Variants in SLC2A2 observed in about 807,000 individuals in gnomAD.
The protein encoded by SLC2A2 is solute carrier family 2 member 2.
Under a neutral mutation model 54.5 loss-of-function variants are expected in SLC2A2, and 36 were observed. That is an observed-to-expected ratio of 0.66 (90% CI 0.51 to 0.87). SLC2A2 has a LOEUF of 0.87. SLC2A2 is among the 40% of genes least tolerant of loss of function. SLC2A2 has a pLI of 0.00. For missense variants in SLC2A2, 543 were observed against 624.3 expected (o/e 0.87, Z 1.39); for synonymous variants, 223 against 219.1 (o/e 1.02, Z -0.16).
intron 2 of SLC2A2, among the ~76,000 whole-genome samples, chr3:171,015,396 T>C (rs1716101362): frequency 6.6e-6 from 1 of 152,078 alleles, no homozygotes; most frequent in Admixed American, 6.6e-5. Context: ...TGCTTGAGCC[T>C]GCGAGGTTGA....
intron 2 of SLC2A2, among the ~76,000 whole-genome samples, chr3:171,017,710 A>G (rs1716215680): frequency 6.6e-6 from 1 of 152,156 alleles, no homozygotes; most frequent in South Asian, 2.1e-4. Context: ...CTTGCCCTCA[A>G]TGACCTCACA....
intron 1 of SLC2A2, among the ~76,000 whole-genome samples, chr3:171,019,087 G>A (rs866461476): frequency 1.5e-3 from 83 of 55,442 alleles, no homozygotes; most frequent in Admixed American, 6.6e-3. Flanking sequence ...ATATATATAT[G>A]TGTGTGTGTG....
intron 3 of SLC2A2, among the ~76,000 whole-genome samples, chr3:171,013,361 T>C (rs2108254847): frequency 6.6e-6 from 1 of 152,262 alleles, no homozygotes; most frequent in South Asian, 2.1e-4. Flanking sequence ...TATTTAAAGT[T>C]CAACTGAACA....
intron 8 of SLC2A2, 63 bp from the exon 9 acceptor site, chr3:170,999,229 A>C (rs1260209458): frequency 9.1e-7 from 1 of 1,100,840 alleles, no homozygotes; most frequent in Non-Finnish European, 1.4e-6. Context: ...CTGTTTACTT[A>C]AATCATTTTT....
At chr3:171,015,033 G>A (rs1716079696) in intron 2 of SLC2A2, among the ~76,000 whole-genome samples, 2 of 152,206 alleles carry the variant, frequency 1.3e-5, no homozygotes, top group African/African-American at 4.8e-5. Context: ...TCAGGATTGT[G>A]GAACTAGAGG....
At position 170,997,547 on chromosome 3, in the gene SLC2A2, T is replaced by A. The variant is rs7610064; in HGVS notation, c.*356A>T. The stretch of plus-strand genomic sequence containing the variant: ...AATGATATTCAAATATATAAATATT[T>A]GTTGCATCCTCAGGTTTCTAGTTAT... On this transcript the variant is annotated 3_prime_UTR_variant, in exon 11 of 11. Coordinates refer to ENST00000314251, the MANE Select transcript of SLC2A2 (RefSeq NM_000340.2). The A allele has an allele frequency of 9.4e-3, 1,970 of 209,644 alleles. 47 individuals are homozygous for A. Among genetic ancestry groups the A allele is most frequent in the African/African-American group, 0.044 (1,851 of 42,250 alleles). 13.0% of individuals were successfully genotyped at this position (209,644 alleles called of 1,614,324 possible).
chr3:171,023,249 A>T (rs1716544206), intron 1 of SLC2A2, among the ~76,000 whole-genome samples: 1 of 152,208 alleles, frequency 6.6e-6, no homozygotes, highest in South Asian at 2.1e-4. Flanking sequence ...TAAGCAGGTC[A>T]TTTGAATTTC....
chr3:171,026,369 T>C (rs191646641), intron 1 of SLC2A2, among the ~76,000 whole-genome samples: 224 of 58,912 alleles, frequency 3.8e-3, no homozygotes, highest in Middle Eastern at 0.015. Context: ...ATCTGCCCCC[T>C]TTTTTTTTTT....
chr3:171,005,379 G>C lies in SLC2A2; in HGVS notation c.869C>G (p.Ser290Cys), dbSNP rs775691314. The C allele has an allele frequency of 3.0e-5, 49 of 1,612,358 alleles. No homozygotes were observed. Among genetic ancestry groups the C allele is most frequent in the Non-Finnish European group, 3.7e-5 (44 of 1,178,874 alleles). ...GGAATTGGTGAAGAGCTGAATTATA[G>C]AGACTTTCTGCTCACTCGATGCTTC... Reference protein sequence around the residue: ...REEASSEQKVSIIQLFTNSSY... With the variant: ...REEASSEQKVCIIQLFTNSSY... The change falls in exon 7 of 11, where the codon TCT becomes TGT. Residue 290 changes from serine to cysteine, a missense_variant. Physicochemically the swap from Ser to Cys is moderately radical, Grantham distance 112. Around this residue, in one of 3 missense-constraint regions of SLC2A2, gnomAD observed 318 missense variants for 343.8 expected, o/e 0.93. Coordinates refer to ENST00000314251, the MANE Select transcript of SLC2A2 (RefSeq NM_000340.2).
intron 4 of SLC2A2, 22 bp downstream of exon 4, chr3:171,009,912 GGTGTGTGTGTGTGTGTGTGTGTGT>G (rs71176588): frequency 5.8e-5 from 77 of 1,325,624 alleles, no homozygotes; most frequent in East Asian, 1.4e-4. Flanking sequence ...GACAAAGGTA[GGTGTGTGTGTGTGTGTGTGTGTGT>G]GTGTGTGTGT....
chr3:171,004,671 G>T (rs1715505931), intron 7 of SLC2A2, among the ~76,000 whole-genome samples: 1 of 151,684 alleles, frequency 6.6e-6, no homozygotes, highest in Non-Finnish European at 1.5e-5. Context: ...AACCATCTTG[G>T]TCTGCATGAT....
chr3:171,003,442 G>T (rs66733022), intron 7 of SLC2A2, among the ~76,000 whole-genome samples: 32,811 of 146,226 alleles, frequency 0.22, 5,141 homozygotes, highest in African/African-American at 0.45. Flanking sequence ...AGTTTTTTTT[G>T]GGGGGGAGGG....
Position 171,005,933 on chromosome 3 carries a change from A to C in SLC2A2, c.775+10T>G, listed in dbSNP as rs1298123687. On this transcript the variant is annotated intron_variant, in intron 6 of 10. Transcript: ENST00000314251. ...CAATAGGAAGAAAGAAAAACCATCC[A>C]CAGACTTACTTTGTTTTGCTTTGAC... 2 of 1,611,130 alleles carry C rather than the reference A, an allele frequency of 1.2e-6. No individual in the cohort carries two copies. The highest frequency in any genetic ancestry group is 4.5e-5 in the East Asian group (2 of 44,812).
intron 5 of SLC2A2, among the ~76,000 whole-genome samples, chr3:171,006,377 A>G (rs1253000348): frequency 1.3e-5 from 2 of 152,024 alleles, no homozygotes; most frequent in African/African-American, 4.8e-5. Flanking sequence ...ATTAACTCCA[A>G]TTGGACAGTC....
At chr3:171,007,941 C>T (rs10513687) in intron 4 of SLC2A2, among the ~76,000 whole-genome samples, 31,572 of 151,954 alleles carry the variant, frequency 0.21, 4,464 homozygotes, top group African/African-American at 0.41. Flanking sequence ...GGTACTTAAA[C>T]GAATACAAAA....
At position 171,006,148 on chromosome 3, in the gene SLC2A2, G is replaced by A. The variant is rs749544245; in HGVS notation, c.613-43C>T. ...AAGTATATCAACTACATAATACTTT[G>A]GATCTACCTTTTACACTAGTTTGTT... On this transcript the variant is annotated intron_variant, in intron 5 of 10. Coordinates refer to ENST00000314251, the MANE Select transcript of SLC2A2 (RefSeq NM_000340.2). 7.0e-6 allele frequency: 11 copies of A among 1,561,428 alleles called. No homozygotes were observed. The Admixed American group carries it at 1.5e-4, about 21-fold the overall frequency.
chr3:171,014,877 G>A, intron 2 of SLC2A2, 146 bp from the exon 3 acceptor site: 1 of 687,358 alleles, frequency 1.5e-6, no homozygotes, highest in African/African-American at 1.8e-5. Flanking sequence ...TTTGTTTACA[G>A]TTGGCCATAT....
chr3:171,019,802 T>TA (rs936320305), intron 1 of SLC2A2, among the ~76,000 whole-genome samples: 4 of 152,188 alleles, frequency 2.6e-5, no homozygotes, highest in African/African-American at 9.7e-5. Context: ...TTGTTTGATT[T>TA]AAAAAATCAA....
At chr3:171,008,487 A>G (rs1373337567) in intron 4 of SLC2A2, among the ~76,000 whole-genome samples, 1 of 152,132 alleles carries the variant, frequency 6.6e-6, no homozygotes, top group Non-Finnish European at 1.5e-5. Flanking sequence ...TATATTTCCT[A>G]TAATTTTTAG....
Sources: allele counts gnomAD v4.1 joint callset (sites outside exome capture counted in the v4.1 genomes callset), GRCh38; gene constraint gnomAD v4.1.1; regional missense constraint gnomAD v4.1.1; transcripts MANE v1.5; gene names NCBI Gene and HGNC (gene_info 2026-07-23, HGNC 2026-07-21).